The following ATP2C2 variants were observed in gnomAD, a reference collection of about 807,000 sequenced individuals.
The protein encoded by ATP2C2 is calcium-transporting ATPase type 2C member 2.
In ATP2C2, 171 loss-of-function variants were observed where a neutral mutation model predicts 110.8. The observed-to-expected ratio is 1.54, with a 90% CI of 1.36 to 1.75. ATP2C2 has a LOEUF of 1.75. Ranked by LOEUF, ATP2C2 falls within the 40% of genes most tolerant of loss-of-function variation. ATP2C2 has a pLI of 0.00. For synonymous variants in ATP2C2, 804 were observed against 508.4 expected (o/e 1.58, Z -7.82); for missense variants, 1,963 against 1,235.0 (o/e 1.59, Z -8.84).
At position 84,459,367 on chromosome 16, in the gene ATP2C2, G is replaced by T. The variant is rs766288795; in HGVS notation, c.2314G>T (p.Asp772Tyr). 3.7e-6 allele frequency: 6 copies of T among 1,614,044 alleles called. No homozygotes were observed. Among genetic ancestry groups the T allele is most frequent in the Non-Finnish European group, 5.1e-6 (6 of 1,180,018 alleles). ...GATCCTATGGATCAACATCATCATG[G>T]ATGGGCCACCGGCGCAGAGGTGAGG... The part of the protein sequence containing the change: ...MQILWINIIM[D>Y]GPPAQSLGVE... The change falls in exon 23 of 27, where the codon GAT becomes TAT. Residue 772 changes from aspartate (D) to tyrosine (Y), a missense_variant. Physicochemically the swap from Asp to Tyr is radical, Grantham distance 160 (BLOSUM62 -3). Coordinates refer to ENST00000262429, the MANE Select transcript of ATP2C2 (RefSeq NM_014861.4).
chr16:84,406,722 C>G lies in ATP2C2; in HGVS notation c.327+1478C>G. 3.3e-6 allele frequency: 3 copies of G among 898,280 alleles called. No individual in the cohort carries two copies. In the South Asian group the frequency reaches 1.5e-4, roughly 46 times the overall value. 55.6% of individuals were successfully genotyped at this position (898,280 alleles called of 1,614,324 possible). A position where few individuals can be genotyped will look rare whatever the true frequency, so the allele number is the denominator to read the frequency against. On this transcript the variant is annotated intron_variant, in intron 3 of 26. Transcript: ENST00000262429. Reference sequence around the variant, plus strand: ...GCTGAGAAGAGGCAGTGGAGGCTCCCGGAAGTTGGGGTTCAGGGAAGGAGG... The same window carrying G: ...GCTGAGAAGAGGCAGTGGAGGCTCCGGGAAGTTGGGGTTCAGGGAAGGAGG...
At chr16:84,460,822 C>A in intron 24 of ATP2C2, 21 bp downstream of exon 24, 2 of 1,598,940 alleles carry the variant, frequency 1.3e-6, no homozygotes, top group Non-Finnish European at 1.7e-6. Flanking sequence ...GTCACCCCGG[C>A]CTGTTCTCCA....
At chr16:84,436,750 G>A (rs982023946) in intron 11 of ATP2C2, among the ~76,000 whole-genome samples, 7 of 141,342 alleles carry the variant, frequency 5.0e-5, no homozygotes, top group South Asian at 4.6e-4. Context: ...CCTCCCCATC[G>A]CCAGCGAAGG....
intron 1 of ATP2C2, among the ~76,000 whole-genome samples, chr16:84,376,514 ATTATGAGATT>A (rs1306994299): frequency 6.7e-6 from 1 of 149,786 alleles, no homozygotes; most frequent in African/African-American, 2.4e-5. Flanking sequence ...TTCTTAACAC[ATTATGAGATT>A]TTTTTTGGCA....
intron 1 of ATP2C2, among the ~76,000 whole-genome samples, chr16:84,398,116 CAT>C (rs1052469098): frequency 2.0e-5 from 3 of 151,692 alleles, no homozygotes; most frequent in African/African-American, 4.9e-5. Flanking sequence ...AAAAAAAACA[CAT>C]GTGGCCGGGC....
intron 11 of ATP2C2, among the ~76,000 whole-genome samples, chr16:84,436,108 G>C (rs1018519178): frequency 7.2e-5 from 11 of 152,218 alleles, no homozygotes; most frequent in Non-Finnish European, 1.0e-4. Flanking sequence ...CAGCCTGGGT[G>C]ACAGAGTGAG....
intron 3 of ATP2C2, chr16:84,406,628 T>G: frequency 1.0e-6 from 1 of 985,594 alleles, no homozygotes; most frequent in Non-Finnish European, 1.2e-6. Flanking sequence ...CGATGCGTTT[T>G]GGCAGCAAAA....
chr16:84,450,698 C>G (rs1351885433), intron 17 of ATP2C2, among the ~76,000 whole-genome samples: 1 of 152,108 alleles, frequency 6.6e-6, no homozygotes, highest in Non-Finnish European at 1.5e-5. Context: ...TCTTACACCA[C>G]CCCCTCTCAG....
rs566290549 is a variant in ATP2C2 at position 84,430,639 on chromosome 16, CAA to C, written c.986+4855_986+4856del. ...TGGGCAGCAGAGTGAGACACCATCTCAAAAAAAAAAAAAAAAAAGTCAGTTCT... is the reference window on the plus strand; with the variant it reads ...TGGGCAGCAGAGTGAGACACCATCTCAAAAAAAAAAAAAAAAGTCAGTTCT... On this transcript the variant is annotated intron_variant, in intron 11 of 26. Coordinates refer to ENST00000262429, the MANE Select transcript of ATP2C2 (RefSeq NM_014861.4). 3.8e-3 allele frequency among the ~76,000 whole-genome samples: 470 copies of C among 123,562 alleles called. 4 individuals are homozygous for C. The highest frequency in any genetic ancestry group is 7.7e-3 in the African/African-American group (245 of 31,696). 81.1% of individuals were successfully genotyped at this position (123,562 alleles called of 152,430 possible).
At chr16:84,443,743 C>T (rs888280845) in intron 15 of ATP2C2, among the ~76,000 whole-genome samples, 1 of 152,204 alleles carries the variant, frequency 6.6e-6, no homozygotes, top group Non-Finnish European at 1.5e-5. Context: ...TTACCTGTCC[C>T]TCCCTCCAGT....
At chr16:84,454,289 C>G (rs915990062) in intron 20 of ATP2C2, among the ~76,000 whole-genome samples, 3 of 152,164 alleles carry the variant, frequency 2.0e-5, no homozygotes, top group African/African-American at 7.2e-5. Context: ...TGTGATTTTT[C>G]TGACTCTGAA....
Position 84,454,940 on chromosome 16 carries a change from GGCC to G in ATP2C2, c.2107_2109del (p.Ala703del). 1 of 1,613,852 alleles carries G rather than the reference GGCC, an allele frequency of 6.2e-7. No homozygotes were observed. The highest frequency in any genetic ancestry group is 8.5e-7 in the Non-Finnish European group (1 of 1,179,918). ...AGACAGGGACGGACGTCAGCAAAGAGGCCGCCAACATGATCCTGGTGGATGATG... is the reference window on the plus strand; with the variant it reads ...AGACAGGGACGGACGTCAGCAAAGAGGCCAACATGATCCTGGTGGATGATG... On this transcript the variant is annotated inframe_deletion, in exon 21 of 27. Transcript: ENST00000262429.
chr16:84,410,649 G>A, intron 5 of ATP2C2, 46 bp downstream of exon 5: 1 of 1,613,498 alleles, frequency 6.2e-7, no homozygotes, highest in East Asian at 2.2e-5. Flanking sequence ...GGGCGGGACA[G>A]GAGCTTCATG....
intron 6 of ATP2C2, among the ~76,000 whole-genome samples, chr16:84,412,285 C>T (rs1017492510): frequency 2.7e-5 from 2 of 74,552 alleles, no homozygotes; most frequent in African/African-American, 7.5e-5. Context: ...TACGTGTGTG[C>T]ACGTATGTGT....
At chr16:84,399,865 C>G (rs919303804) in intron 2 of ATP2C2, among the ~76,000 whole-genome samples, 2 of 152,138 alleles carry the variant, frequency 1.3e-5, no homozygotes, top group African/African-American at 4.8e-5. Context: ...CTTATTTATT[C>G]TTTCTGACTA....
chr16:84,446,479 C>T, intron 16 of ATP2C2, 49 bp downstream of exon 16: 1 of 1,376,532 alleles, frequency 7.3e-7, no homozygotes, highest in Non-Finnish European at 9.9e-7. Context: ...CCCGGGCCCC[C>T]ACCCAGAGAT....
rs532792402 is a variant in ATP2C2, at chr16:84,433,620, C to T, written c.987-5546C>T. Reference sequence around the variant, plus strand: ...CGAGCCGAGATCGCACCACTGCACTCCAGCCTAGGGAACAGAGCAAGACTC... The same window carrying T: ...CGAGCCGAGATCGCACCACTGCACTTCAGCCTAGGGAACAGAGCAAGACTC... On this transcript the variant is annotated intron_variant, in intron 11 of 26. Coordinates refer to ENST00000262429, the MANE Select transcript of ATP2C2 (RefSeq NM_014861.4). Among the ~76,000 whole-genome samples, 36 of 152,080 alleles carry T rather than the reference C, an allele frequency of 2.4e-4. No individual in the cohort carries two copies. The South Asian group carries it at 6.5e-3, about 27-fold the overall frequency.
At chr16:84,450,024 C>A (rs1220872639) in intron 17 of ATP2C2, among the ~76,000 whole-genome samples, 1 of 152,246 alleles carries the variant, frequency 6.6e-6, no homozygotes, top group Non-Finnish European at 1.5e-5. Context: ...GCAGCCAGCG[C>A]CTTCGCCCGG....
At position 84,461,718 on chromosome 16, in the gene ATP2C2, C is replaced by G; in HGVS notation, c.2486C>G (p.Pro829Arg). 2 of 1,614,102 alleles carry G rather than the reference C, an allele frequency of 1.2e-6. No homozygotes were observed. The highest frequency in any genetic ancestry group is 1.7e-5 in the Admixed American group (1 of 60,014). The stretch of plus-strand genomic sequence containing the variant: ...ACCTTTGTGCTCACCTTCCAGATGC[C>G]TGAAGACAGAGCAAGCACTCCCCGC... ...GTLFIFWKEM[P>R]EDRASTPRTT... The change falls in exon 25 of 27, where the codon CCT (proline) becomes CGT (arginine). Residue 829 changes from proline (P) to arginine (R), a missense_variant. Coordinates refer to ENST00000262429, the MANE Select transcript of ATP2C2 (RefSeq NM_014861.4).
Sources: allele counts gnomAD v4.1 joint callset (sites outside exome capture counted in the v4.1 genomes callset), GRCh38; gene constraint gnomAD v4.1.1; transcripts MANE v1.5; gene names NCBI Gene and HGNC (gene_info 2026-07-23, HGNC 2026-07-21).